Variants in ARMC2 observed in about 807,000 individuals in gnomAD.
ARMC2 encodes the protein armadillo repeat containing 2, also known as armadillo repeat-containing protein 2.
A neutral mutation model predicts 90.3 loss-of-function variants in ARMC2; 67 were observed. The observed-to-expected ratio is 0.74, with a 90% CI of 0.61 to 0.91. ARMC2 has a LOEUF of 0.91. Among genes scored for constraint, ARMC2 ranks in the 40% least tolerant of loss-of-function variants. The pLI is 0.00. For missense variants in ARMC2, 920 were observed against 1,030.9 expected (o/e 0.89, Z 1.47); for synonymous variants, 393 against 393.0 (o/e 1.00, Z 0.00).
At chr6:109,026,989 G>A in the ARMC2 span, among the ~76,000 whole-genome samples, 1 of 152,008 alleles carries the variant, frequency 6.6e-6, no homozygotes, top group African/African-American at 2.4e-5. Context: ...GGCCAACACA[G>A]TGAAACCCTG....
intron 8 of ARMC2, among the ~76,000 whole-genome samples, chr6:108,909,304 A>G (rs1477427809): frequency 1.3e-5 from 2 of 151,242 alleles, no homozygotes; most frequent in Non-Finnish European, 2.9e-5. Context: ...ACTGCTTAAT[A>G]TGATAGTATT....
chr6:108,987,683 A>G, the ARMC2 span: 1 of 951,700 alleles, frequency 1.1e-6, no homozygotes, highest in Non-Finnish European at 1.7e-6. Flanking sequence ...ATTCACAATC[A>G]GTTTTTCAGT....
At chr6:109,030,748 T>G in the ARMC2 span, among the ~76,000 whole-genome samples, 1 of 152,234 alleles carries the variant, frequency 6.6e-6, no homozygotes, top group African/African-American at 2.4e-5. Context: ...TATAGGATTT[T>G]ATGGTCTACA....
downstream of ARMC2, among the ~76,000 whole-genome samples, chr6:108,979,220 T>G (rs1050769260): frequency 2.6e-5 from 4 of 152,232 alleles, no homozygotes; most frequent in Admixed American, 2.0e-4. Flanking sequence ...TTTGCTTGTC[T>G]GTAAAGGATT....
chr6:108,962,024 GCTT>G lies in ARMC2; in HGVS notation c.2053_2055del (p.Leu685del), dbSNP rs777383715. ...GGTCGCCAAATCCAGTGCTCTTAAAGCTTCTTGTCAGTAACAACATGGATGGAA... is the reference window on the plus strand; with the variant it reads ...GGTCGCCAAATCCAGTGCTCTTAAAGCTTGTCAGTAACAACATGGATGGAA... On this transcript the variant is annotated inframe_deletion, in exon 15 of 18. Transcript: ENST00000392644. 1 of 1,609,848 alleles carries G rather than the reference GCTT, an allele frequency of 6.2e-7. No individual in the cohort carries two copies. Among genetic ancestry groups the G allele is most frequent in the East Asian group, 2.2e-5 (1 of 44,866 alleles).
At chr6:108,974,557 G>C (rs994809060), downstream of ARMC2, 1 of 152,202 alleles carries the variant, frequency 6.6e-6, no homozygotes, top group African/African-American at 2.4e-5. Context: ...GCTCACACCT[G>C]TAATTCAGTA....
Position 108,953,068 on chromosome 6 carries a change from C to G in ARMC2, c.1632C>G (p.Asn544Lys). The G allele has an allele frequency of 6.2e-7, 1 of 1,612,940 alleles. No homozygotes were observed. The highest frequency in any genetic ancestry group is 1.1e-5 in the South Asian group (1 of 90,842). The change falls in exon 13 of 18, where the codon AAC (asparagine) becomes AAG (lysine). Residue 544 changes from asparagine (N) to lysine (K), a missense_variant. By Grantham distance (94) the Asn-to-Lys change is moderately conservative. Coordinates refer to ENST00000392644, the MANE Select transcript of ARMC2 (RefSeq NM_032131.6). Reference protein sequence around the residue: ...LVVRVVFILGNLTAKNNQARE... With the variant: ...LVVRVVFILGKLTAKNNQARE... ...TCCGTGTTGTTTTTATTCTTGGCAA[C>G]CTGACGGCAAAAAATAACCAGGCTC...
At chr6:108,881,873 G>A (rs1777613090) in intron 5 of ARMC2, among the ~76,000 whole-genome samples, 1 of 152,174 alleles carries the variant, frequency 6.6e-6, no homozygotes, top group Non-Finnish European at 1.5e-5. Context: ...TAAGAAAACA[G>A]ACTAAAATTT....
At chr6:109,043,482 A>C in the ARMC2 span, among the ~76,000 whole-genome samples, 43 of 152,184 alleles carry the variant, frequency 2.8e-4, no homozygotes, top group Non-Finnish European at 5.7e-4. Context: ...AGGAATTTAT[A>C]AAAAACAACG....
intron 5 of ARMC2, among the ~76,000 whole-genome samples, chr6:108,882,728 C>T (rs977217373): frequency 6.6e-6 from 1 of 152,142 alleles, no homozygotes; most frequent in African/African-American, 2.4e-5. Context: ...AACTTGTTTT[C>T]CTGAAGAAGA....
chr6:108,883,801 G>T (rs1777817048), intron 5 of ARMC2, among the ~76,000 whole-genome samples: 1 of 152,014 alleles, frequency 6.6e-6, no homozygotes, highest in Non-Finnish European at 1.5e-5. Context: ...TAACATGTAT[G>T]GTATGATTCC....
At chr6:108,893,776 G>A (rs922990084) in intron 5 of ARMC2, among the ~76,000 whole-genome samples, 2 of 152,236 alleles carry the variant, frequency 1.3e-5, no homozygotes, top group African/African-American at 4.8e-5. Context: ...CAGCACTTTG[G>A]GAGGCTGAGG....
chr6:109,007,790 T>C, the ARMC2 span, among the ~76,000 whole-genome samples: 1 of 119,130 alleles, frequency 8.4e-6, no homozygotes, highest in African/African-American at 2.9e-5. Context: ...AGGTACTTTT[T>C]TTTTTTTTTT....
intron 10 of ARMC2, among the ~76,000 whole-genome samples, chr6:108,922,295 C>T (rs1206539920): frequency 1.3e-5 from 2 of 151,814 alleles, no homozygotes; most frequent in African/African-American, 2.4e-5. Flanking sequence ...GAGACAGAGT[C>T]TCACTGTGTC....
At chr6:108,920,264 A>G (rs1774421055) in intron 10 of ARMC2, among the ~76,000 whole-genome samples, 1 of 152,132 alleles carries the variant, frequency 6.6e-6, no homozygotes, top group Non-Finnish European at 1.5e-5. Context: ...ATCTCAGCTC[A>G]CTGCAACCTC....
rs371624865 is a variant in ARMC2, at chr6:108,891,902, C to CCATCTT, written c.672-2564_672-2559dup. ...TAGGTCTTATGTTTAAGTCTTTAAT[C>CCATCTT]CATCTTGAGTTAATTAGTTCTGTGC... On this transcript the variant is annotated intron_variant, in intron 5 of 17. Transcript: ENST00000392644. Among the ~76,000 whole-genome samples the CCATCTT allele has an allele frequency of 5.5e-3, 837 of 152,238 alleles. 3 individuals carry two copies. Among genetic ancestry groups the CCATCTT allele is most frequent in the South Asian group, 0.012 (60 of 4,814 alleles).
chr6:109,002,220 C>A, the ARMC2 span: 2 of 1,462,528 alleles, frequency 1.4e-6, no homozygotes, highest in South Asian at 2.3e-5. Context: ...ACATGTGGGT[C>A]ATGAAAGCTC....
the ARMC2 span, among the ~76,000 whole-genome samples, chr6:109,031,090 T>G: frequency 1.3e-5 from 2 of 151,690 alleles, no homozygotes; most frequent in East Asian, 1.9e-4. Context: ...AAGTAGGGAG[T>G]GAGTAAAGGC....
downstream of ARMC2, among the ~76,000 whole-genome samples, chr6:108,976,286 G>C (rs1778981683): frequency 6.6e-6 from 1 of 152,064 alleles, no homozygotes; most frequent in Non-Finnish European, 1.5e-5. Context: ...TCTTGTTTTT[G>C]TCAGGTTTGT....
Sources: allele counts gnomAD v4.1 joint callset (sites outside exome capture counted in the v4.1 genomes callset), GRCh38; gene constraint gnomAD v4.1.1; transcripts MANE v1.5; gene names NCBI Gene and HGNC (gene_info 2026-07-23, HGNC 2026-07-21).